The following ZNF84 variants were observed in gnomAD, a reference collection of about 807,000 sequenced individuals.
ZNF84 encodes zinc finger protein 84.
In ZNF84, 12 loss-of-function variants were observed where a neutral mutation model predicts 14.8. The ratio of observed to expected loss-of-function variants is 0.81; its 90% CI spans 0.52 to 1.31. ZNF84 has a LOEUF of 1.31. Among genes scored for constraint, ZNF84 ranks in the 50% most tolerant of loss-of-function variants. The pLI, the probability that ZNF84 is intolerant of heterozygous loss-of-function variation, is 0.00. For synonymous variants in ZNF84, 347 were observed against 291.1 expected (o/e 1.19, Z -1.96); for missense variants, 859 against 878.6 (o/e 0.98, Z 0.28).
rs1954026701 is a variant in ZNF84 at position 133,048,776 on chromosome 12, G to A, written c.166G>A (p.Val56Ile). The change falls in exon 4 of 5, where the codon GTC becomes ATC. Residue 56 changes from valine (V) to isoleucine (I), a missense_variant. By Grantham distance (29) the Val-to-Ile change is conservative. Transcript: ENST00000539354. ...AGGGTATGAAGTTATGAAACCAGAT[G>A]TCATCTTCAAATTGGAGCAAGGAGA... ...SLGYEVMKPD[V>I]IFKLEQGEEP... 1.2e-6 allele frequency: 2 copies of A among 1,613,708 alleles called. No individual in the cohort carries two copies. The highest frequency in any genetic ancestry group is 1.7e-5 in the Admixed American group (1 of 60,000).
At position 133,061,174 on chromosome 12, in the gene ZNF84, A is replaced by G. The variant is rs685254; in HGVS notation, c.*2242A>G. 139,995 of 152,276 alleles carry G rather than the reference A, an allele frequency of 0.92. 64,706 individuals are homozygous for G. The highest frequency in any genetic ancestry group is 1 in the East Asian group (5,181 of 5,188). The allele number at this position is 152,276 out of a possible 1,614,324, so 9.4% of individuals were successfully genotyped here. On this transcript the variant is annotated 3_prime_UTR_variant, in exon 5 of 5. Coordinates refer to ENST00000539354, the MANE Select transcript of ZNF84 (RefSeq NM_001289971.2). Reference sequence around the variant, plus strand: ...CAACTTTTTGTTCATACTCAAGTGTATGAACTTCCTGGCTGGGCACAGTGG... The same window carrying G: ...CAACTTTTTGTTCATACTCAAGTGTGTGAACTTCCTGGCTGGGCACAGTGG...
At position 133,058,406 on chromosome 12, in the gene ZNF84, C is replaced by T. The variant is rs1954199472; in HGVS notation, c.1691C>T (p.Thr564Ile). Reference sequence around the variant, plus strand: ...TCAAGTCTTGCAACTCATCAGAGAACTCATACTGGAGAAAAACCGTATGAA... The same window carrying T: ...TCAAGTCTTGCAACTCATCAGAGAATTCATACTGGAGAAAAACCGTATGAA... ...EKSSLATHQR[T>I]HTGEKPYECR... The change falls in exon 5 of 5, where the codon ACT becomes ATT. Residue 564 changes from threonine to isoleucine, a missense_variant. Coordinates refer to ENST00000539354, the MANE Select transcript of ZNF84 (RefSeq NM_001289971.2). 6.2e-7 allele frequency: 1 copy of T among 1,613,802 alleles called. No individual in the cohort carries two copies. Among genetic ancestry groups the T allele is most frequent in the Non-Finnish European group, 8.5e-7 (1 of 1,179,960 alleles).
At chr12:133,047,286 C>G (rs1012844131) in intron 2 of ZNF84, among the ~76,000 whole-genome samples, 1 of 152,090 alleles carries the variant, frequency 6.6e-6, no homozygotes, top group Non-Finnish European at 1.5e-5. Flanking sequence ...GCTTGGGAAG[C>G]CTGTGAAAAA....
In ZNF84 at chr12:133,057,038, A is replaced by T. The variant is rs1371506952; in HGVS notation, c.323A>T (p.Asp108Val). The T allele has an allele frequency of 6.2e-7, 1 of 1,612,716 alleles. No homozygotes were observed. Among genetic ancestry groups the T allele is most frequent in the Non-Finnish European group, 8.5e-7 (1 of 1,179,646 alleles). ...ATTATAAAAAGAGGTCATGAATGTGATGCATTTGGAAAAAATTTCAATCTG... is the reference window on the plus strand; with the variant it reads ...ATTATAAAAAGAGGTCATGAATGTGTTGCATTTGGAAAAAATTTCAATCTG... Reference protein sequence around the residue: ...LKIIKRGHECDAFGKNFNLNM... With the variant: ...LKIIKRGHECVAFGKNFNLNM... Residue 108 changes from aspartate (D) to valine (V), a missense_variant, in exon 5 of 5, where the codon GAT becomes GTT. Transcript: ENST00000539354.
chr12:133,056,924 C>T, intron 4 of ZNF84, 30 bp from the exon 5 acceptor site: 1 of 1,528,084 alleles, frequency 6.5e-7, no homozygotes, highest in East Asian at 2.3e-5. Context: ...GAAAGCACAA[C>T]CAAACAGATT....
chr12:133,056,931 G>T (rs1476641034), intron 4 of ZNF84, 23 bp from the exon 5 acceptor site: 1 of 1,536,262 alleles, frequency 6.5e-7, no homozygotes, highest in Non-Finnish European at 8.7e-7. Context: ...CAACCAAACA[G>T]ATTGTTTTTG....
chr12:133,042,103 G>T (rs1313035870), intron 2 of ZNF84, among the ~76,000 whole-genome samples: 2 of 152,130 alleles, frequency 1.3e-5, no homozygotes, highest in Non-Finnish European at 2.9e-5. Context: ...TGCTGTATAT[G>T]CTGCTTACCT....
chr12:133,040,709 C>T (rs1026396070), intron 1 of ZNF84: 23 of 151,982 alleles, frequency 1.5e-4, no homozygotes, highest in African/African-American at 5.3e-4. Context: ...AACCTTGACG[C>T]ATCAAACAAC....
intron 2 of ZNF84, among the ~76,000 whole-genome samples, chr12:133,047,086 C>T (rs1953995816): frequency 6.6e-6 from 1 of 151,138 alleles, no homozygotes; most frequent in Non-Finnish European, 1.5e-5. Flanking sequence ...TAGGTGTGAG[C>T]CACCTTGCCT....
chr12:133,057,844 T>G lies in ZNF84; in HGVS notation c.1129T>G (p.Cys377Gly). The G allele has an allele frequency of 1.9e-6, 3 of 1,613,450 alleles. No individual in the cohort carries two copies. Among genetic ancestry groups the G allele is most frequent in the Non-Finnish European group, 2.5e-6 (3 of 1,179,584 alleles). Reference protein sequence around the residue: ...RTHTGTKPFGCSDCRKAFFEK... With the variant: ...RTHTGTKPFGGSDCRKAFFEK... ...TCACACAGGAACAAAACCCTTTGGATGTAGTGATTGTAGAAAAGCATTCTT... is the reference window on the plus strand; with the variant it reads ...TCACACAGGAACAAAACCCTTTGGAGGTAGTGATTGTAGAAAAGCATTCTT... Residue 377 changes from cysteine (C) to glycine (G), a missense_variant, in exon 5 of 5, where the codon TGT (cysteine) becomes GGT (glycine). Coordinates refer to ENST00000539354, the MANE Select transcript of ZNF84 (RefSeq NM_001289971.2).
intron 1 of ZNF84, among the ~76,000 whole-genome samples, chr12:133,039,546 T>C (rs1953849361): frequency 2.0e-5 from 3 of 152,198 alleles, no homozygotes; most frequent in Admixed American, 2.0e-4. Flanking sequence ...CTCTGTAAAA[T>C]GGAGATTATG....
chr12:133,053,475 T>C (rs377388495), intron 4 of ZNF84, among the ~76,000 whole-genome samples: 4,718 of 152,258 alleles, frequency 0.031, 258 homozygotes, highest in African/African-American at 0.11. Flanking sequence ...TGTGGGGGCT[T>C]GCACCTGTAA....
rs1954248460 is a variant in ZNF84, at chr12:133,060,774, T to TA, written c.*1843dup. The TA allele has an allele frequency of 6.6e-6, 1 of 152,262 alleles. No individual in the cohort carries two copies. The highest frequency in any genetic ancestry group is 1.5e-5 in the Non-Finnish European group (1 of 68,042). The allele number at this position is 152,262 out of a possible 1,614,324, so 9.4% of individuals were successfully genotyped here. A position where few individuals can be genotyped will look rare whatever the true frequency, so the allele number is the denominator to read the frequency against. ...CATGGAAAACTTCACATTGAGAACT[T>TA]ACCATTATATATTTCCATAAAAATG... is the stretch of plus-strand genomic sequence containing the variant. On this transcript the variant is annotated 3_prime_UTR_variant, in exon 5 of 5. Transcript: ENST00000539354.
Position 133,058,849 on chromosome 12 carries a change from C to T in ZNF84, c.2134C>T (p.Arg712Ter), listed in dbSNP as rs1954208545. Residue 712 changes from arginine (R) to a stop codon, truncating the protein, a stop_gained, in exon 5 of 5, where the codon CGA becomes TGA. Transcript: ENST00000539354. LOFTEE classifies it high-confidence loss of function. ...QRIHTGEKPYRCIECGKAFSQ... is the reference protein window; with the variant it reads ...QRIHTGEKPY ...AATTCATACAGGAGAGAAGCCTTAT[C>T]GATGCATTGAATGTGGGAAAGCTTT... 1.3e-5 allele frequency: 21 copies of T among 1,612,074 alleles called. 1 individual carries two copies. The highest frequency in any genetic ancestry group is 2.2e-5 in the East Asian group (1 of 44,784).
rs1954188395 is a variant in ZNF84 at position 133,057,830 on chromosome 12, C to CAA, written c.1118_1119dup (p.Pro374AsnfsTer79). 6.2e-7 allele frequency: 1 copy of CAA among 1,612,614 alleles called. No individual in the cohort carries two copies. Among genetic ancestry groups the CAA allele is most frequent in the East Asian group, 2.2e-5 (1 of 44,740 alleles). ...ACACATCACAGAACTCACACAGGAA[C>CAA]AAAACCCTTTGGATGTAGTGATTGT... On this transcript the variant is annotated frameshift_variant, in exon 5 of 5. Coordinates refer to ENST00000539354, the MANE Select transcript of ZNF84 (RefSeq NM_001289971.2). LOFTEE classifies it low-confidence loss of function (END_TRUNC).
At chr12:133,039,089 T>C (rs1202314597) in intron 1 of ZNF84, 1 of 152,212 alleles carries the variant, frequency 6.6e-6, no homozygotes, top group Non-Finnish European at 1.5e-5. Context: ...ACTTTTATAA[T>C]AATAATTATA....
At chr12:133,045,801 T>C (rs1187538766) in intron 2 of ZNF84, among the ~76,000 whole-genome samples, 3 of 152,184 alleles carry the variant, frequency 2.0e-5, no homozygotes, top group Non-Finnish European at 4.4e-5. Flanking sequence ...TTATATATTT[T>C]GCCAGTTTTA....
Position 133,058,785 on chromosome 12 carries a change from G to C in ZNF84, c.2070G>C (p.Lys690Asn). ...EKPYGCSECR[K>N]AFSQKSQLVN... ...CCTATGGATGCAGTGAATGTAGGAA[G>C]GCCTTCTCTCAGAAGTCACAGCTGG... is the stretch of plus-strand genomic sequence containing the variant. The change falls in exon 5 of 5, where the codon AAG becomes AAC. Residue 690 changes from lysine to asparagine, a missense_variant. Lys to Asn is a moderately conservative substitution (Grantham distance 94). Coordinates refer to ENST00000539354, the MANE Select transcript of ZNF84 (RefSeq NM_001289971.2). 1 of 1,613,732 alleles carries C rather than the reference G, an allele frequency of 6.2e-7. No homozygotes were observed. The highest frequency in any genetic ancestry group is 8.5e-7 in the Non-Finnish European group (1 of 1,179,952).
At chr12:133,046,919 ATAT>A (rs1359779941) in intron 2 of ZNF84, among the ~76,000 whole-genome samples, 4 of 143,942 alleles carry the variant, frequency 2.8e-5, no homozygotes, top group Admixed American at 7.2e-5. Context: ...ATTATATATT[ATAT>A]TATTTTTAAT....
Sources: gnomAD v4.1 joint callset for allele counts (sites outside exome capture counted in the v4.1 genomes callset) on GRCh38, gnomAD v4.1.1 for gene constraint, MANE v1.5 for transcripts, NCBI Gene and HGNC (gene_info 2026-07-23, HGNC 2026-07-21) for gene names.